PTPRM: variants seen among roughly 807,000 people sequenced by gnomAD.
PTPRM encodes the protein receptor-type tyrosine-protein phosphatase mu.
A neutral mutation model predicts 186.7 loss-of-function variants in PTPRM; 47 were observed. The observed-to-expected ratio is 0.25, with a 90% CI of 0.20 to 0.32. The LOEUF is 0.32. PTPRM is among the 10% of genes least tolerant of loss of function. The probability of loss-of-function intolerance (pLI) is 1.00; values close to 1 mark genes in which losing one functional copy is unlikely to be tolerated. For missense variants in PTPRM, 1,494 were observed against 1,865.0 expected (o/e 0.80, Z 3.66); for synonymous variants, 668 against 674.9 (o/e 0.99, Z 0.16).
Position 7,574,187 on chromosome 18 carries a change from T to TA in PTPRM, c.73+6297dup, listed in dbSNP as rs2036630502. On this transcript the variant is annotated intron_variant, in intron 1 of 32. Transcript: ENST00000580170. ...ATTCACTGCTTAGCCTCTTGATTAATACGGCCGGTATTACCAACATGGTGA... is the reference window on the plus strand; with the variant it reads ...ATTCACTGCTTAGCCTCTTGATTAATAACGGCCGGTATTACCAACATGGTGA... 2.6e-5 allele frequency among the ~76,000 whole-genome samples: 4 copies of TA among 152,334 alleles called. 1 individual carries two copies. In the South Asian group the frequency reaches 8.3e-4, roughly 32 times the overall value.
At chr18:7,935,119 T>G (rs2051723684) in intron 5 of PTPRM, among the ~76,000 whole-genome samples, 1 of 152,170 alleles carries the variant, frequency 6.6e-6, no homozygotes. Context: ...AGAAGTAAAA[T>G]TATGGTTCCC....
chr18:8,367,839 G>T (rs2095641376), intron 23 of PTPRM, among the ~76,000 whole-genome samples: 1 of 152,176 alleles, frequency 6.6e-6, no homozygotes, highest in Non-Finnish European at 1.5e-5. Flanking sequence ...TCGAGAACAA[G>T]GAGGTTAAAG....
At chr18:8,396,680 G>T (rs1459621754) in intron 32 of PTPRM, among the ~76,000 whole-genome samples, 3 of 152,212 alleles carry the variant, frequency 2.0e-5, no homozygotes, top group African/African-American at 7.2e-5. Context: ...ATTTCTGGGT[G>T]CCCAGACCTC....
intron 7 of PTPRM, among the ~76,000 whole-genome samples, chr18:7,973,092 G>T (rs2054679577): frequency 6.6e-6 from 1 of 152,042 alleles, no homozygotes; most frequent in African/African-American, 2.4e-5. Context: ...ATTAGCAGCT[G>T]TTTATTCTTT....
At chr18:8,149,539 G>A (rs1401200685) in intron 14 of PTPRM, among the ~76,000 whole-genome samples, 4 of 152,058 alleles carry the variant, frequency 2.6e-5, no homozygotes, top group Non-Finnish European at 5.9e-5. Context: ...TGAGCCGTGT[G>A]CATCTTTGCA....
chr18:7,750,895 A>C (rs536692153), intron 1 of PTPRM: 1 of 151,946 alleles, frequency 6.6e-6, no homozygotes, highest in African/African-American at 2.4e-5. Flanking sequence ...TGGGGTAGGA[A>C]CAAGGATGCT....
chr18:8,093,947 AG>A (rs2090889391), intron 11 of PTPRM, among the ~76,000 whole-genome samples: 2 of 152,196 alleles, frequency 1.3e-5, no homozygotes, highest in African/African-American at 4.8e-5. Flanking sequence ...TATTAAAAAA[AG>A]ATATTTGTGA....
intron 7 of PTPRM, among the ~76,000 whole-genome samples, chr18:7,956,441 T>C (rs1401653175): frequency 2.0e-5 from 3 of 152,232 alleles, no homozygotes; most frequent in African/African-American, 7.2e-5. Context: ...GAAAATTCTG[T>C]ATTTTAAAAA....
intron 22 of PTPRM, among the ~76,000 whole-genome samples, chr18:8,342,055 C>T (rs906760263): frequency 1.3e-5 from 2 of 152,052 alleles, no homozygotes; most frequent in African/African-American, 2.4e-5. Context: ...TAGTCAGAAG[C>T]GGCAAGGGAG....
intron 20 of PTPRM, among the ~76,000 whole-genome samples, chr18:8,300,513 A>G (rs1481901906): frequency 6.6e-6 from 1 of 151,946 alleles, no homozygotes; most frequent in Admixed American, 6.6e-5. Flanking sequence ...TAAAAAAAAA[A>G]AAAAATCAGC....
At chr18:8,138,728 G>A (rs551028499) in intron 13 of PTPRM, among the ~76,000 whole-genome samples, 2 of 152,026 alleles carry the variant, frequency 1.3e-5, no homozygotes, top group Non-Finnish European at 2.9e-5. Flanking sequence ...CTCACCTCCC[G>A]CCTCTGCAAG....
At chr18:7,622,616 G>A (rs533255583) in intron 1 of PTPRM, among the ~76,000 whole-genome samples, 3 of 152,248 alleles carry the variant, frequency 2.0e-5, no homozygotes, top group South Asian at 4.2e-4. Flanking sequence ...GAACCCTAGG[G>A]AGTCAGGGTG....
intron 1 of PTPRM, among the ~76,000 whole-genome samples, chr18:7,673,100 A>G (rs560854610): frequency 6.6e-6 from 1 of 152,318 alleles, no homozygotes; most frequent in South Asian, 2.1e-4. Context: ...CTCCCAGGGT[A>G]CAGGACTTGA....
At chr18:7,650,172 G>T (rs114630652) in intron 1 of PTPRM, among the ~76,000 whole-genome samples, 1 of 152,102 alleles carries the variant, frequency 6.6e-6, no homozygotes, top group Non-Finnish European at 1.5e-5. Flanking sequence ...GTTCTGCAGG[G>T]TGTACTACAG....
intron 1 of PTPRM, among the ~76,000 whole-genome samples, chr18:7,733,948 C>T (rs1377461690): frequency 6.6e-6 from 1 of 152,206 alleles, no homozygotes; most frequent in Non-Finnish European, 1.5e-5. Context: ...TCTCCGGGTA[C>T]CCTTCCCTAA....
At chr18:8,046,017 G>A (rs2087024314) in intron 7 of PTPRM, among the ~76,000 whole-genome samples, 1 of 152,086 alleles carries the variant, frequency 6.6e-6, no homozygotes, top group Non-Finnish European at 1.5e-5. Context: ...AGTGTCATGG[G>A]GAGGTAATCG....
intron 1 of PTPRM, among the ~76,000 whole-genome samples, chr18:7,626,016 A>G (rs1216946438): frequency 6.6e-6 from 1 of 152,164 alleles, no homozygotes; most frequent in Admixed American, 6.5e-5. Context: ...ATTTTCCTGT[A>G]ATATAGAGAA....
chr18:7,883,303 G>A (rs187885856), intron 2 of PTPRM, among the ~76,000 whole-genome samples: 9 of 152,214 alleles, frequency 5.9e-5, no homozygotes, highest in Admixed American at 3.9e-4. Flanking sequence ...GCATTACCTC[G>A]CAGTCAAAAC....
At chr18:7,695,813 T>C (rs777111793) in intron 1 of PTPRM, among the ~76,000 whole-genome samples, 3 of 152,232 alleles carry the variant, frequency 2.0e-5, no homozygotes, top group African/African-American at 7.2e-5. Context: ...GTCTCCACTT[T>C]GTATCATCCA....
Sources: allele counts gnomAD v4.1 joint callset (sites outside exome capture counted in the v4.1 genomes callset), GRCh38; gene constraint gnomAD v4.1.1; transcripts MANE v1.5; gene names NCBI Gene and HGNC (gene_info 2026-07-23, HGNC 2026-07-21).